Variants in PAN2 observed in about 807,000 individuals in gnomAD.
The protein encoded by PAN2 is PAN2-PAN3 deadenylation complex catalytic subunit PAN2.
Under a neutral mutation model 133.3 loss-of-function variants are expected in PAN2, and 68 were observed. The observed-to-expected ratio is 0.51, with a 90% CI of 0.42 to 0.62. The LOEUF is 0.62. PAN2 is among the 20% of genes least tolerant of loss of function. The pLI, the probability that PAN2 is intolerant of heterozygous loss-of-function variation, is 0.00. For missense variants in PAN2, 1,042 were observed against 1,500.5 expected, an observed-to-expected ratio of 0.69 and a Z score of 5.05; for synonymous variants, 462 against 544.6, an observed-to-expected ratio of 0.85 and a Z score of 2.11.
At position 56,323,933 on chromosome 12, in the gene PAN2, T is replaced by C. The variant is rs1874838072; in HGVS notation, c.2066-20A>G. 6.2e-7 allele frequency: 1 copy of C among 1,606,542 alleles called. No individual in the cohort carries two copies. The highest frequency in any genetic ancestry group is 8.5e-7 in the Non-Finnish European group (1 of 1,173,054). On this transcript the variant is annotated intron_variant, in intron 13 of 25. Transcript: ENST00000440411. Reference sequence around the variant, plus strand: ...TTTTATCTGAGGGAAAATTAGATGCTATACTCCTGGTTCTCCCCTCTACCC... The same window carrying C: ...TTTTATCTGAGGGAAAATTAGATGCCATACTCCTGGTTCTCCCCTCTACCC...
rs778946652 is a variant in PAN2 at position 56,328,278 on chromosome 12, A to G, written c.533T>C (p.Ile178Thr). The change falls in exon 4 of 26, where the codon ATA (isoleucine) becomes ACA (threonine). Residue 178 changes from isoleucine to threonine, a missense_variant. Ile to Thr is a moderately conservative substitution (Grantham distance 89). Coordinates refer to ENST00000440411, the MANE Select transcript of PAN2 (RefSeq NM_014871.6). ...TLLVGGLQNH[I>T]IEIDLNTVQE... ...GACAGTGTTAAGATCAATCTCTATT[A>G]TGTGATTCTGCAGCCCACCAACGAG... The G allele has an allele frequency of 4.4e-6, 7 of 1,608,186 alleles. No homozygotes were observed. The highest frequency in any genetic ancestry group is 1.7e-4 in the Middle Eastern group (1 of 6,046).
In PAN2 at chr12:56,317,477, T is replaced by C. The variant is rs1874040780; in HGVS notation, c.*132A>G. On this transcript the variant is annotated 3_prime_UTR_variant, in exon 26 of 26. Coordinates refer to ENST00000440411, the MANE Select transcript of PAN2 (RefSeq NM_014871.6). ...TGTTCCAGTTCAATTAATAGCACCA[T>C]CTGTGACCCTAGACCCTGAGCACGT... 1.4e-6 allele frequency: 1 copy of C among 722,592 alleles called. No homozygotes were observed. The highest frequency in any genetic ancestry group is 1.6e-5 in the South Asian group (1 of 64,060). The allele number at this position is 722,592 out of a possible 1,614,324, so 44.8% of individuals were successfully genotyped here.
intron 1 of PAN2, 40 bp from the exon 2 acceptor site, chr12:56,333,248 A>T: frequency 2.8e-6 from 2 of 712,268 alleles, no homozygotes; most frequent in Non-Finnish European, 4.6e-6. Flanking sequence ...GGGTAGGCCC[A>T]GGTACTGGTA....
chr12:56,325,770 G>C (rs1230604214), intron 8 of PAN2, among the ~76,000 whole-genome samples: 1 of 152,142 alleles, frequency 6.6e-6, no homozygotes, highest in Non-Finnish European at 1.5e-5. Flanking sequence ...TTCGCAATCT[G>C]GCCACTTCTA....
chr12:56,333,970 C>A lies in PAN2; in HGVS notation c.-223G>T, dbSNP rs542758401. 9.8e-5 allele frequency: 15 copies of A among 152,306 alleles called. No homozygotes were observed. Among genetic ancestry groups the A allele is most frequent in the African/African-American group, 3.1e-4 (13 of 41,572 alleles). The allele number at this position is 152,306 out of a possible 1,614,324, so 9.4% of individuals were successfully genotyped here. On this transcript the variant is annotated 5_prime_UTR_variant, in exon 1 of 26. Transcript: ENST00000440411. ...AATTCCAGTTTCCCCAGTTCTCCCC[C>A]ACGCCTAGGGCTCAACCTAACCACT...
At chr12:56,327,072 G>A in intron 6 of PAN2, 113 bp from the exon 7 acceptor site, 2 of 909,484 alleles carry the variant, frequency 2.2e-6, no homozygotes, top group Non-Finnish European at 3.3e-6. Context: ...CCAAATCCAT[G>A]CCTAGAGACA....
In PAN2 at chr12:56,326,977, A is replaced by G. The variant is rs989743482; in HGVS notation, c.920-18T>C. On this transcript the variant is annotated intron_variant, in intron 6 of 25. Transcript: ENST00000440411. The stretch of plus-strand genomic sequence containing the variant: ...GCACTGCCCTACAAAGGAGGAAGAA[A>G]CCCACTGAGCCCTAGAAAGTGAAAG... 2.5e-6 allele frequency: 4 copies of G among 1,598,038 alleles called. No individual in the cohort carries two copies. Among genetic ancestry groups the G allele is most frequent in the East Asian group, 2.2e-5 (1 of 44,704 alleles).
chr12:56,320,706 CT>C (rs1275771094), intron 20 of PAN2, among the ~76,000 whole-genome samples: 8 of 151,166 alleles, frequency 5.3e-5, no homozygotes, highest in African/African-American at 9.7e-5. Flanking sequence ...ACATCCCCCC[CT>C]CATCTCATTT....
At position 56,318,290 on chromosome 12, in the gene PAN2, C is replaced by T. The variant is rs1874132689; in HGVS notation, c.3509G>A (p.Gly1170Asp). 2 of 1,614,016 alleles carry T rather than the reference C, an allele frequency of 1.2e-6. No homozygotes were observed. Among genetic ancestry groups the T allele is most frequent in the Non-Finnish European group, 1.7e-6 (2 of 1,180,008 alleles). The change falls in exon 25 of 26, where the codon GGC (glycine) becomes GAC (aspartate). Residue 1170 changes from glycine (G) to aspartate (D), a missense_variant. Physicochemically the swap from Gly to Asp is moderately conservative, Grantham distance 94. This residue lies in a region of PAN2 where 85 missense variants were observed against 116.5 expected (regional missense o/e 0.73). Transcript: ENST00000440411. Reference protein sequence around the residue: ...HKVLKGLYEKGRKMDWKVPEP... With the variant: ...HKVLKGLYEKDRKMDWKVPEP... ...AGGCACCTTCCAGTCCATCTTTCTGCCCTTCTCATAAAGACCCTTGAGCAC... is the reference window on the plus strand; with the variant it reads ...AGGCACCTTCCAGTCCATCTTTCTGTCCTTCTCATAAAGACCCTTGAGCAC...
intron 20 of PAN2, among the ~76,000 whole-genome samples, chr12:56,321,597 T>G (rs1874546989): frequency 6.8e-6 from 1 of 147,624 alleles, no homozygotes; most frequent in Admixed American, 6.7e-5. Context: ...ACGCCTGTAA[T>G]CCCAGCACTT....
chr12:56,320,155 T>A (rs944153853), intron 20 of PAN2, 134 bp from the exon 21 acceptor site: 1 of 767,344 alleles, frequency 1.3e-6, no homozygotes, highest in East Asian at 2.5e-5. Context: ...AGAAAAAAGA[T>A]CATGTCTGAT....
chr12:56,319,940 A>G lies in PAN2; in HGVS notation c.2870T>C (p.Ile957Thr), dbSNP rs1565631731. Residue 957 changes from isoleucine (I) to threonine (T), a missense_variant, in exon 21 of 26, where the codon ATT becomes ACT. This residue lies in a region of PAN2 where 908 missense variants were observed against 1,223.5 expected (regional missense o/e 0.74). Transcript: ENST00000440411. The surrounding 1 kb of genome is among the most constrained non-coding windows in gnomAD (Gnocchi z 5.4). Reference protein sequence around the residue: ...RKQRKTHTTFIPLMLNEMPQI... With the variant: ...RKQRKTHTTFTPLMLNEMPQI... ...TGGCATCTCATTCAGCATCAGTGGA[A>G]TAAAGGTAGTATGTGTTTTCCGCTG... The G allele has an allele frequency of 1.2e-6, 2 of 1,614,190 alleles. No homozygotes were observed. The highest frequency in any genetic ancestry group is 1.3e-5 in the African/African-American group (1 of 75,050).
Position 56,317,583 on chromosome 12 carries a change from G to A in PAN2, c.*26C>T. On this transcript the variant is annotated 3_prime_UTR_variant, in exon 26 of 26. Transcript: ENST00000440411. ...GGGGCTATAGAACAGTAAAGGGAGA[G>A]GGCCGTGGTTCTTTGGGAAGGGTAG... 1 of 1,607,276 alleles carries A rather than the reference G, an allele frequency of 6.2e-7. No individual in the cohort carries two copies. Among genetic ancestry groups the A allele is most frequent in the Non-Finnish European group, 8.5e-7 (1 of 1,174,040 alleles).
chr12:56,329,724 A>G (rs1360684247), intron 2 of PAN2, among the ~76,000 whole-genome samples: 1 of 151,402 alleles, frequency 6.6e-6, no homozygotes, highest in Non-Finnish European at 1.5e-5. Context: ...CAGGTGGATC[A>G]CTTGAGGCCA....
Position 56,327,411 on chromosome 12 carries a change from C to T in PAN2, c.872G>A (p.Arg291His), listed in dbSNP as rs1468575196. 3.1e-6 allele frequency: 5 copies of T among 1,614,050 alleles called. No homozygotes were observed. Among genetic ancestry groups the T allele is most frequent in the African/African-American group, 1.3e-5 (1 of 74,914 alleles). The change falls in exon 6 of 26, where the codon CGC becomes CAC. Residue 291 changes from arginine (R) to histidine (H), a missense_variant. Coordinates refer to ENST00000440411, the MANE Select transcript of PAN2 (RefSeq NM_014871.6). Reference sequence around the variant, plus strand: ...ACGAGAAGTATATGTAGGAATGAAGCGCAAGAAGGCAGGATCCACATGTAC... The same window carrying T: ...ACGAGAAGTATATGTAGGAATGAAGTGCAAGAAGGCAGGATCCACATGTAC... ...LQVHVDPAFL[R>H]FIPTYTSRLA... is the part of the protein sequence containing the mutation.
chr12:56,321,594 T>C (rs1384518427), intron 20 of PAN2, among the ~76,000 whole-genome samples: 1 of 148,924 alleles, frequency 6.7e-6, no homozygotes, highest in African/African-American at 2.5e-5. Context: ...CTCACGCCTG[T>C]AATCCCAGCA....
chr12:56,331,710 T>TTG (rs1555167399), intron 2 of PAN2, among the ~76,000 whole-genome samples: 4 of 127,072 alleles, frequency 3.1e-5, no homozygotes, highest in South Asian at 2.6e-4. Flanking sequence ...GTTTTTTTTT[T>TTG]TTTTGTTTTT....
Position 56,325,188 on chromosome 12 carries a change from G to A in PAN2, c.1480-60C>T, listed in dbSNP as rs965394291. The stretch of plus-strand genomic sequence containing the variant: ...TTCTCAGAGTCCCCAAATCTTTCCA[G>A]TAGCCACAGCCTTTCCTAGAGCCTT... On this transcript the variant is annotated intron_variant, in intron 9 of 25. Transcript: ENST00000440411. 2.5e-6 allele frequency: 4 copies of A among 1,594,662 alleles called. No homozygotes were observed. In the African/African-American group the frequency reaches 4.0e-5, roughly 16 times the overall value.
At chr12:56,332,644 G>T in intron 2 of PAN2, 169 bp downstream of exon 2, 36 of 537,444 alleles carry the variant, frequency 6.7e-5, no homozygotes, top group East Asian at 1.0e-4. Flanking sequence ...GAAAGAATAT[G>T]TCATTTACTC....
Sources: allele counts gnomAD v4.1 joint callset (sites outside exome capture counted in the v4.1 genomes callset), GRCh38; gene constraint gnomAD v4.1.1; regional missense constraint gnomAD v4.1.1; non-coding constraint Gnocchi (gnomAD v3.1); transcripts MANE v1.5; gene names NCBI Gene and HGNC (gene_info 2026-07-23, HGNC 2026-07-21).